The following PCLO variants were observed in gnomAD, a reference collection of about 807,000 sequenced individuals.
PCLO encodes piccolo presynaptic cytomatrix protein, also known as protein piccolo.
Under a neutral mutation model 427.5 loss-of-function variants are expected in PCLO, and 82 were observed. The observed-to-expected ratio is 0.19, with a 90% confidence interval of 0.16 to 0.23. The LOEUF is 0.23. Among genes scored for constraint, PCLO ranks in the 10% least tolerant of loss-of-function variants. The probability of loss-of-function intolerance (pLI) is 1.00; values close to 1 mark genes in which losing one functional copy is unlikely to be tolerated. For synonymous variants in PCLO, 2,357 were observed against 2,155.4 expected, an observed-to-expected ratio of 1.09 and a Z score of -2.59; for missense variants, 6,239 against 6,115.9, an observed-to-expected ratio of 1.02 and a Z score of -0.67.
intron 4 of PCLO, among the ~76,000 whole-genome samples, chr7:82,963,743 T>G (rs970466188): frequency 6.6e-6 from 1 of 152,104 alleles, no homozygotes; most frequent in African/African-American, 2.4e-5. Context: ...CTATCTGCAT[T>G]TAAATAAATA....
At position 82,954,456 on chromosome 7, in the gene PCLO, T is replaced by C; in HGVS notation, c.6497A>G (p.Tyr2166Cys). 1 of 1,613,892 alleles carries C rather than the reference T, an allele frequency of 6.2e-7. No individual in the cohort carries two copies. The part of the protein sequence containing the change: ...IIAHESLILT[Y>C]SEPSESATSV... ...TGTAGCACTTTCTGAAGGCTCCGAG[T>C]AGGTCAAAATCAGCGATTCATGGGC... Residue 2166 changes from tyrosine to cysteine, a missense_variant, in exon 5 of 25, where the codon TAC becomes TGC. Tyr to Cys is a radical substitution (Grantham distance 194). Transcript: ENST00000333891.
intron 4 of PCLO, among the ~76,000 whole-genome samples, chr7:82,957,188 C>T (rs1015765573): frequency 1.3e-5 from 2 of 152,148 alleles, no homozygotes; most frequent in African/African-American, 2.4e-5. Flanking sequence ...AAATACTCTA[C>T]CTTTTCACAT....
At position 83,162,555 on chromosome 7, in the gene PCLO, G is replaced by A. The variant is rs1302350053; in HGVS notation, c.38C>T (p.Pro13Leu). 7 of 1,551,622 alleles carry A rather than the reference G, an allele frequency of 4.5e-6. No homozygotes were observed. In the East Asian group the frequency reaches 1.7e-4, roughly 38 times the overall value. The change falls in exon 1 of 25, where the codon CCC becomes CTC. Residue 13 changes from proline (P) to leucine (L), a missense_variant. Pro to Leu is a moderately conservative substitution (Grantham distance 98, BLOSUM62 -3). This residue lies in a region of PCLO where 4,677 missense variants were observed against 4,468.4 expected (regional missense o/e 1.05). Coordinates refer to ENST00000333891, the MANE Select transcript of PCLO (RefSeq NM_033026.6). ...CGCTGCGGCCGCCGCCAGCCCTTCG[G>A]GGAGCCCTTCCCCTTCCAAGCTCGC... ...NEASLEGEGL[P>L]EGLAAAAAAG... is the part of the protein sequence containing the mutation.
chr7:82,878,702 G>C (rs1400188618), intron 10 of PCLO, among the ~76,000 whole-genome samples: 1 of 152,100 alleles, frequency 6.6e-6, no homozygotes, highest in Non-Finnish European at 1.5e-5. Context: ...GTAATGAGGC[G>C]ATTAGTATCT....
At position 82,939,658 on chromosome 7, in the gene PCLO, TATAG is replaced by T. The variant is rs1210584879; in HGVS notation, c.11112+9814_11112+9817del. ...ATTTTCCACTGGAAATATATATATA[TATAG>T]AGAGAGAGAGAAATAGATATAGATA... On this transcript the variant is annotated intron_variant, in intron 6 of 24. Coordinates refer to ENST00000333891, the MANE Select transcript of PCLO (RefSeq NM_033026.6). 3.9e-3 allele frequency among the ~76,000 whole-genome samples: 573 copies of T among 147,516 alleles called. 6 individuals carry two copies. Among genetic ancestry groups the T allele is most frequent in the African/African-American group, 0.014 (537 of 39,542 alleles).
At chr7:83,051,986 CA>C (rs1370758591) in intron 3 of PCLO, among the ~76,000 whole-genome samples, 1 of 151,292 alleles carries the variant, frequency 6.6e-6, no homozygotes, top group African/African-American at 2.4e-5. Flanking sequence ...CATCCACATG[CA>C]AAAAAATGAA....
chr7:82,946,182 T>A (rs1363347858), intron 6 of PCLO, among the ~76,000 whole-genome samples: 2 of 152,230 alleles, frequency 1.3e-5, no homozygotes, highest in African/African-American at 4.8e-5. Context: ...TGCTAAGATT[T>A]CATTGTCCAA....
In PCLO at chr7:82,953,377, G is replaced by T. The variant is rs543495751; in HGVS notation, c.7576C>A (p.Pro2526Thr). ...GTTGGTTTGGGGTGTATATCTGTTGGTTTTTGTGTAGTTGTTGGAAGCTGA... is the reference window on the plus strand; with the variant it reads ...GTTGGTTTGGGGTGTATATCTGTTGTTTTTTGTGTAGTTGTTGGAAGCTGA... ...IPQLPTTTQK[P>T]TDIHPKPTGL... The change falls in exon 5 of 25, where the codon CCA (proline) becomes ACA (threonine). Residue 2526 changes from proline (P) to threonine (T), a missense_variant. Pro to Thr is a conservative substitution (Grantham distance 38). Coordinates refer to ENST00000333891, the MANE Select transcript of PCLO (RefSeq NM_033026.6). 2.5e-6 allele frequency: 4 copies of T among 1,613,716 alleles called. No individual in the cohort carries two copies. The East Asian group carries it at 8.9e-5, about 36-fold the overall frequency.
chr7:82,813,937 C>G (rs910771364), intron 20 of PCLO, among the ~76,000 whole-genome samples: 2 of 151,576 alleles, frequency 1.3e-5, no homozygotes. Flanking sequence ...TATTGTTATG[C>G]CAATACAATT....
intron 22 of PCLO, among the ~76,000 whole-genome samples, chr7:82,786,550 T>G (rs1790987830): frequency 6.6e-6 from 1 of 152,186 alleles, no homozygotes; most frequent in Non-Finnish European, 1.5e-5. Flanking sequence ...CTAGATCGTA[T>G]TTTGCAAAAT....
intron 15 of PCLO, among the ~76,000 whole-genome samples, chr7:82,837,149 T>A (rs1399575609): frequency 6.6e-6 from 1 of 152,110 alleles, no homozygotes; most frequent in Non-Finnish European, 1.5e-5. Flanking sequence ...TTCAGAAATA[T>A]ATACTAAAAT....
chr7:82,941,319 T>G (rs2116383475), intron 6 of PCLO, among the ~76,000 whole-genome samples: 1 of 152,266 alleles, frequency 6.6e-6, no homozygotes, highest in South Asian at 2.1e-4. Flanking sequence ...AAAAAATAAC[T>G]TAAAACATTT....
In PCLO at chr7:83,134,654, G is replaced by T; in HGVS notation, c.2896C>A (p.Gln966Lys). The T allele has an allele frequency of 6.2e-7, 1 of 1,613,812 alleles. No individual in the cohort carries two copies. Among genetic ancestry groups the T allele is most frequent in the Non-Finnish European group, 8.5e-7 (1 of 1,179,836 alleles). ...SQSGPGAPMKQAPAPSQPPTS... is the reference protein window; with the variant it reads ...SQSGPGAPMKKAPAPSQPPTS... ...GGTGGCTGTGAAGGGGCAGGGGCTT[G>T]TTTCATTGGGGCCCCTGGTCCACTT... The change falls in exon 3 of 25, where the codon CAA becomes AAA. Residue 966 changes from glutamine (Q) to lysine (K), a missense_variant. This residue lies in a region of PCLO where 4,677 missense variants were observed against 4,468.4 expected (regional missense o/e 1.05). Coordinates refer to ENST00000333891, the MANE Select transcript of PCLO (RefSeq NM_033026.6).
chr7:82,824,393 T>A lies in PCLO; in HGVS notation c.14439A>T (p.Thr4813=). ...ACCTTGGAGTGTTATCGAGGTGAGA[T>A]GTGCTAGATAAATCAATCAATACCT... is the stretch of plus-strand genomic sequence containing the variant. ...LGEVLIDLSS[T]SHLDNTPRWY... is the part of the protein sequence containing the mutation. The change falls in exon 19 of 25, where the codon ACA becomes ACT. Residue 4813 remains threonine, a synonymous_variant. Transcript: ENST00000333891. 1 of 1,603,798 alleles carries A rather than the reference T, an allele frequency of 6.2e-7. No individual in the cohort carries two copies.
chr7:82,925,651 C>T (rs1225706851), intron 6 of PCLO, among the ~76,000 whole-genome samples: 1 of 151,700 alleles, frequency 6.6e-6, no homozygotes, highest in South Asian at 2.1e-4. Context: ...TGCTTCTACC[C>T]TCTTTGGCTC....
At chr7:82,862,887 G>C (rs1272033296) in intron 10 of PCLO, among the ~76,000 whole-genome samples, 1 of 151,928 alleles carries the variant, frequency 6.6e-6, no homozygotes, top group Admixed American at 6.6e-5. Context: ...GGAAGGTGGG[G>C]ATGGTTAAAG....
chr7:83,019,347 T>C lies in PCLO; in HGVS notation c.3301-52860A>G, dbSNP rs148133548. Among the ~76,000 whole-genome samples, 1,404 of 151,890 alleles carry C rather than the reference T, an allele frequency of 9.2e-3. 32 individuals are homozygous for C. The highest frequency in any genetic ancestry group is 0.031 in the African/African-American group (1,272 of 41,520). On this transcript the variant is annotated intron_variant, in intron 3 of 24. Coordinates refer to ENST00000333891, the MANE Select transcript of PCLO (RefSeq NM_033026.6). ...TTCTTTTGTTTTAATTTTAAACCTA[T>C]CTAGGCAAAAAGTATGTAAAGCTTA... is the stretch of plus-strand genomic sequence containing the variant.
At position 82,953,938 on chromosome 7, in the gene PCLO, C is replaced by T. The variant is rs779720139; in HGVS notation, c.7015G>A (p.Val2339Met). 3.3e-5 allele frequency: 53 copies of T among 1,613,736 alleles called. No homozygotes were observed. In the Middle Eastern group the frequency reaches 1.2e-3, roughly 35 times the overall value. Residue 2339 changes from valine (V) to methionine (M), a missense_variant, in exon 5 of 25, where the codon GTG (valine) becomes ATG (methionine). By Grantham distance (21) the Val-to-Met change is conservative. Transcript: ENST00000333891. ...ACAGAAGAAGGTGGGTGATCAAACA[C>T]GGTTTCGGATAAGCTACTTTTTGTT... is the stretch of plus-strand genomic sequence containing the variant. ...ERTKSSLSET[V>M]FDHPPSSVIA...
chr7:83,032,432 TTCCCTTCCCTCCCTTGCC>T (rs762728426), intron 3 of PCLO, among the ~76,000 whole-genome samples: 4 of 135,982 alleles, frequency 2.9e-5, no homozygotes, highest in Non-Finnish European at 4.8e-5. Flanking sequence ...CTTCCCTTCC[TTCCCTTCCCTCCCTTGCC>T]TCCCTTCCCT....
Sources: allele counts gnomAD v4.1 joint callset (sites outside exome capture counted in the v4.1 genomes callset), GRCh38; gene constraint gnomAD v4.1.1; regional missense constraint gnomAD v4.1.1; transcripts MANE v1.5; gene names NCBI Gene and HGNC (gene_info 2026-07-23, HGNC 2026-07-21).